Variants in CYTH1 observed in about 807,000 individuals in gnomAD.
The protein encoded by CYTH1 is cytohesin-1.
Under a neutral mutation model 61.8 loss-of-function variants are expected in CYTH1, and 18 were observed. The observed-to-expected ratio is 0.29, with a 90% CI of 0.20 to 0.43. The LOEUF is 0.43. Ranked by LOEUF, CYTH1 falls within the 20% of genes least tolerant of loss-of-function variation. The pLI, the probability that CYTH1 is intolerant of heterozygous loss-of-function variation, is 1.00. For missense variants in CYTH1, 336 were observed against 510.5 expected (o/e 0.66, Z 3.29); for synonymous variants, 174 against 184.3 (o/e 0.94, Z 0.45).
At chr17:78,770,190 G>A (rs1478417916) in intron 1 of CYTH1, among the ~76,000 whole-genome samples, 2 of 151,338 alleles carry the variant, frequency 1.3e-5, no homozygotes, top group African/African-American at 4.9e-5. Flanking sequence ...CAGGCATGGT[G>A]GCGGGTGTCT....
intron 11 of CYTH1, 33 bp from the exon 12 acceptor site, chr17:78,681,075 TCA>T (rs566965842): frequency 6.2e-7 from 1 of 1,607,268 alleles, no homozygotes; most frequent in South Asian, 1.1e-5. Flanking sequence ...AAGTTTAAGA[TCA>T]CAGTTTAAGG....
At chr17:78,704,931 A>G (rs1316304519) in intron 3 of CYTH1, among the ~76,000 whole-genome samples, 1 of 152,232 alleles carries the variant, frequency 6.6e-6, no homozygotes, top group Non-Finnish European at 1.5e-5. Context: ...AAACAAAGTC[A>G]TGGGGGAAAC....
chr17:78,693,628 A>G (rs577140644), intron 10 of CYTH1, among the ~76,000 whole-genome samples: 1 of 151,012 alleles, frequency 6.6e-6, no homozygotes, highest in Non-Finnish European at 1.5e-5. Context: ...CTCAAAAAAA[A>G]AGAAAAAAAA....
intron 1 of CYTH1, among the ~76,000 whole-genome samples, chr17:78,741,079 G>A (rs1286162749): frequency 1.3e-5 from 2 of 152,314 alleles, no homozygotes; most frequent in South Asian, 2.1e-4. Context: ...ACACTCGTTC[G>A]TCATTCACAT....
At chr17:78,696,742 C>T (rs562406880) in intron 9 of CYTH1, 20 of 152,340 alleles carry the variant, frequency 1.3e-4, no homozygotes, top group African/African-American at 4.8e-4. Flanking sequence ...GGTCTAAGAA[C>T]CAAGATAATC....
Position 78,700,587 on chromosome 17 carries a change from T to G in CYTH1, c.438-144A>C. ...TCACCCAGGCTGGAGTGCAGTGGCGTGATCTTGGCTCACTGCAACCTCTGC... is the reference window on the plus strand; with the variant it reads ...TCACCCAGGCTGGAGTGCAGTGGCGGGATCTTGGCTCACTGCAACCTCTGC... On this transcript the variant is annotated intron_variant, in intron 6 of 13. Transcript: ENST00000446868. The surrounding 1 kb of genome is among the most constrained non-coding windows in gnomAD (Gnocchi z 5.1). 2 of 627,252 alleles carry G rather than the reference T, an allele frequency of 3.2e-6. No homozygotes were observed. The highest frequency in any genetic ancestry group is 5.3e-6 in the Non-Finnish European group (2 of 377,834). The allele number at this position is 627,252 out of a possible 1,614,324, so 38.9% of individuals were successfully genotyped here.
chr17:78,706,946 ATT>A (rs2093073116), intron 3 of CYTH1, among the ~76,000 whole-genome samples: 2 of 152,206 alleles, frequency 1.3e-5, no homozygotes, highest in African/African-American at 4.8e-5. Context: ...TTTCAGATAT[ATT>A]TGTTACAAAT....
chr17:78,683,078 T>C (rs2144047286), intron 11 of CYTH1, among the ~76,000 whole-genome samples: 1 of 152,384 alleles, frequency 6.6e-6, no homozygotes. Flanking sequence ...TTAATGCTTT[T>C]CTTCCAACTT....
In CYTH1 at chr17:78,674,767, C is replaced by T. The variant is rs540567164; in HGVS notation, c.*1324G>A. The T allele has an allele frequency of 3.1e-3, 477 of 152,650 alleles. 1 individual carries two copies. Among genetic ancestry groups the T allele is most frequent in the Non-Finnish European group, 5.3e-3 (364 of 68,278 alleles). The allele number at this position is 152,650 out of a possible 1,614,324, so 9.5% of individuals were successfully genotyped here. On this transcript the variant is annotated 3_prime_UTR_variant, in exon 14 of 14. Coordinates refer to ENST00000446868, the MANE Select transcript of CYTH1 (RefSeq NM_004762.6). ...TGCTCTGCCTGGACTGGCATGCTGGCCCTGGCGGAGTGGCAGGAGCTGCCC... is the reference window on the plus strand; with the variant it reads ...TGCTCTGCCTGGACTGGCATGCTGGTCCTGGCGGAGTGGCAGGAGCTGCCC...
rs1417166107 is a variant in CYTH1 at position 78,675,189 on chromosome 17, T to C, written c.*902A>G. 4 of 152,232 alleles carry C rather than the reference T, an allele frequency of 2.6e-5. No homozygotes were observed. Among genetic ancestry groups the C allele is most frequent in the Admixed American group, 2.6e-4 (4 of 15,284 alleles). 9.4% of individuals were successfully genotyped at this position (152,232 alleles called of 1,614,324 possible). A position where few individuals can be genotyped will look rare whatever the true frequency, so the allele number is the denominator to read the frequency against. ...TCCTCACAGTTTTGGTTATTAGGTA[T>C]TTAGCTCAAGGAAAATGCTGACTTT... On this transcript the variant is annotated 3_prime_UTR_variant, in exon 14 of 14. Transcript: ENST00000446868.
intron 13 of CYTH1, among the ~76,000 whole-genome samples, chr17:78,678,780 C>T (rs549528402): frequency 1.3e-5 from 2 of 152,294 alleles, no homozygotes; most frequent in South Asian, 4.1e-4. Context: ...ACCCCATGCC[C>T]ACTACACAAT....
intron 1 of CYTH1, among the ~76,000 whole-genome samples, chr17:78,714,500 T>C (rs1047182525): frequency 6.6e-6 from 1 of 152,154 alleles, no homozygotes. Flanking sequence ...CACTGTTGTG[T>C]TTGTGGTACT....
chr17:78,776,882 T>A (rs1421744843), intron 1 of CYTH1, among the ~76,000 whole-genome samples: 1 of 151,716 alleles, frequency 6.6e-6, no homozygotes, highest in Non-Finnish European at 1.5e-5. Context: ...TCCCAGCACT[T>A]TGGGAGGCCT....
intron 1 of CYTH1, among the ~76,000 whole-genome samples, chr17:78,776,526 G>A (rs917082826): frequency 6.6e-6 from 1 of 151,886 alleles, no homozygotes; most frequent in Non-Finnish European, 1.5e-5. Flanking sequence ...GAGCGTGGTA[G>A]CACACGCCTG....
At position 78,733,076 on chromosome 17, in the gene CYTH1, C is replaced by CAAAAAA. The variant is rs56020680; in HGVS notation, c.23-23350_23-23345dup. Among the ~76,000 whole-genome samples, 30 of 47,722 alleles carry CAAAAAA rather than the reference C, an allele frequency of 6.3e-4. 3 individuals are homozygous for CAAAAAA. In the East Asian group the frequency reaches 0.011, roughly 18 times the overall value. 31.3% of individuals were successfully genotyped at this position (47,722 alleles called of 152,430 possible). On this transcript the variant is annotated intron_variant, in intron 1 of 13. Transcript: ENST00000446868. ...CTGGCAACAGAGTGAGACTCCATCT[C>CAAAAAA]AAAAAAAAAAAAAAAAAAAAAAAAA...
intron 1 of CYTH1, among the ~76,000 whole-genome samples, chr17:78,766,087 G>GAAAA (rs59673666): frequency 0.018 from 1,212 of 65,644 alleles, 98 homozygotes; most frequent in Non-Finnish European, 0.024. Flanking sequence ...CATCTCTACA[G>GAAAA]AAAAAAAAAA....
At chr17:78,709,422 C>T (rs2093104055) in intron 2 of CYTH1, 1 of 507,970 alleles carries the variant, frequency 2.0e-6, no homozygotes, top group Non-Finnish European at 3.5e-6. Context: ...GCTCCGACAA[C>T]CGACCAACTG....
At chr17:78,677,690 C>T (rs1353679777) in intron 13 of CYTH1, 2 of 152,314 alleles carry the variant, frequency 1.3e-5, no homozygotes, top group Non-Finnish European at 1.5e-5. Context: ...ACTGAGGGTG[C>T]TGGGAACTCC....
At chr17:78,780,109 G>A (rs994305847) in intron 1 of CYTH1, among the ~76,000 whole-genome samples, 1 of 152,254 alleles carries the variant, frequency 6.6e-6, no homozygotes, top group African/African-American at 2.4e-5. Flanking sequence ...GCAAGAGGAG[G>A]CAGAGAAAAG....
Sources: gnomAD v4.1 joint callset for allele counts (sites outside exome capture counted in the v4.1 genomes callset) on GRCh38, gnomAD v4.1.1 for gene constraint, Gnocchi (gnomAD v3.1) non-coding constraint, MANE v1.5 for transcripts, NCBI Gene and HGNC (gene_info 2026-07-23, HGNC 2026-07-21) for gene names.